Variants in ZDHHC14 observed in about 807,000 individuals in gnomAD.
The protein encoded by ZDHHC14 is zDHHC palmitoyltransferase 14.
Under a neutral mutation model 47.7 loss-of-function variants are expected in ZDHHC14, and 16 were observed. The ratio of observed to expected loss-of-function variants is 0.34; its 90% confidence interval spans 0.23 to 0.51. The LOEUF (loss-of-function observed/expected upper bound fraction) is 0.51, where lower values mean the gene tolerates loss of function less well. Ranked by LOEUF, ZDHHC14 falls within the 20% of genes least tolerant of loss-of-function variation. The pLI is 0.97. For missense variants in ZDHHC14, 515 were observed against 662.5 expected, an observed-to-expected ratio of 0.78 and a Z score of 2.44; for synonymous variants, 293 against 278.9, an observed-to-expected ratio of 1.05 and a Z score of -0.50.
intron 1 of ZDHHC14, among the ~76,000 whole-genome samples, chr6:157,387,738 G>C (rs1777346143): frequency 6.6e-6 from 1 of 152,134 alleles, no homozygotes. Flanking sequence ...TTGAGGATGG[G>C]GACTCGCCTT....
At chr6:157,484,545 A>G (rs1256556016) in intron 1 of ZDHHC14, among the ~76,000 whole-genome samples, 1 of 150,534 alleles carries the variant, frequency 6.6e-6, no homozygotes, top group Non-Finnish European at 1.5e-5. Flanking sequence ...AATAAAAGTT[A>G]AAAGAAAAAA....
intron 2 of ZDHHC14, among the ~76,000 whole-genome samples, chr6:157,577,539 TTTTG>T (rs1038332694): frequency 3.3e-5 from 5 of 152,136 alleles, no homozygotes; most frequent in African/African-American, 1.2e-4. Flanking sequence ...GCCTCTGTTT[TTTTG>T]TTTGTTTGTT....
intron 1 of ZDHHC14, among the ~76,000 whole-genome samples, chr6:157,402,443 G>C (rs1167765697): frequency 6.6e-6 from 1 of 152,168 alleles, no homozygotes; most frequent in African/African-American, 2.4e-5. Context: ...AACTGCAGTA[G>C]TGAAATGCGC....
chr6:157,560,733 ACTT>A (rs1183980170), intron 2 of ZDHHC14, among the ~76,000 whole-genome samples: 1 of 152,254 alleles, frequency 6.6e-6, no homozygotes, highest in Non-Finnish European at 1.5e-5. Flanking sequence ...ATTAAGCAGT[ACTT>A]CTTACTCATT....
intron 3 of ZDHHC14, among the ~76,000 whole-genome samples, chr6:157,619,536 C>G (rs1785101678): frequency 6.6e-6 from 1 of 152,210 alleles, no homozygotes; most frequent in African/African-American, 2.4e-5. Context: ...ACTTAGCCAC[C>G]TGCCAGGTGG....
intron 1 of ZDHHC14, among the ~76,000 whole-genome samples, chr6:157,484,395 TATAC>T (rs1779722457): frequency 6.8e-6 from 1 of 146,342 alleles, no homozygotes; most frequent in East Asian, 2.0e-4. Context: ...TATACGTATA[TATAC>T]ATATATATGT....
intron 1 of ZDHHC14, among the ~76,000 whole-genome samples, chr6:157,531,870 A>T (rs536419991): frequency 8.5e-4 from 130 of 152,362 alleles, no homozygotes; most frequent in Middle Eastern, 3.4e-3. Flanking sequence ...CGCCGAAGAC[A>T]CTTTTCCGTA....
intron 1 of ZDHHC14, among the ~76,000 whole-genome samples, chr6:157,492,206 G>C (rs199690461): frequency 0.079 from 6,159 of 78,268 alleles, 84 homozygotes; most frequent in African/African-American, 0.1. Flanking sequence ...CTCCGCCCCC[G>C]CCCCCCAGCC....
chr6:157,511,547 C>CTTTT (rs34988240), intron 1 of ZDHHC14, among the ~76,000 whole-genome samples: 3 of 114,920 alleles, frequency 2.6e-5, no homozygotes, highest in African/African-American at 1.1e-4. Context: ...AGCCCGGGTA[C>CTTTT]TTTTTTTTTT....
At chr6:157,457,692 G>C (rs541407268) in intron 1 of ZDHHC14, among the ~76,000 whole-genome samples, 127 of 152,298 alleles carry the variant, frequency 8.3e-4, no homozygotes, top group Non-Finnish European at 1.3e-3. Flanking sequence ...AATTGCCCTT[G>C]GCATCGGGGG....
chr6:157,545,414 C>T (rs1452941390), intron 2 of ZDHHC14, among the ~76,000 whole-genome samples: 2 of 151,874 alleles, frequency 1.3e-5, no homozygotes, highest in Admixed American at 6.5e-5. Context: ...CAGTGGCTCA[C>T]GCCTGTAATC....
intron 2 of ZDHHC14, among the ~76,000 whole-genome samples, chr6:157,574,000 G>A (rs1019012694): frequency 6.6e-6 from 1 of 151,962 alleles, no homozygotes; most frequent in Admixed American, 6.6e-5. Context: ...CTAGGGCCTC[G>A]GCTGTGCTAA....
intron 1 of ZDHHC14, among the ~76,000 whole-genome samples, chr6:157,384,164 T>C (rs1777268600): frequency 6.6e-6 from 1 of 152,170 alleles, no homozygotes; most frequent in South Asian, 2.1e-4. Context: ...AGAAAATGGG[T>C]TAATTTTGTG....
chr6:157,622,838 C>T (rs1235879787), intron 3 of ZDHHC14, among the ~76,000 whole-genome samples: 1 of 150,982 alleles, frequency 6.6e-6, no homozygotes, highest in African/African-American at 2.4e-5. Context: ...CGCTCATAAA[C>T]CTACTAAACG....
At chr6:157,574,095 C>T (rs1334085063) in intron 2 of ZDHHC14, among the ~76,000 whole-genome samples, 1 of 151,424 alleles carries the variant, frequency 6.6e-6, no homozygotes, top group Non-Finnish European at 1.5e-5. Flanking sequence ...TCAACAACAC[C>T]ACACTCTACA....
At chr6:157,657,498 G>A (rs895250162) in intron 8 of ZDHHC14, among the ~76,000 whole-genome samples, 27 of 152,134 alleles carry the variant, frequency 1.8e-4, no homozygotes, top group African/African-American at 4.8e-4. Flanking sequence ...CAGCCCCAGC[G>A]AATCCATGCC....
chr6:157,496,374 C>CA lies in ZDHHC14; in HGVS notation c.246-46211_246-46210insA, dbSNP rs551683211. 7.3e-5 allele frequency among the ~76,000 whole-genome samples: 11 copies of CA among 151,518 alleles called. No homozygotes were observed. The South Asian group carries it at 2.3e-3, about 31-fold the overall frequency. On this transcript the variant is annotated intron_variant, in intron 1 of 8. Transcript: ENST00000359775. Reference sequence around the variant, plus strand: ...CTCCCACATTGGGGAGGAAGTTAACCCCCCCCATGCTATTTTAGGTTGAAT... The same window carrying CA: ...CTCCCACATTGGGGAGGAAGTTAACCACCCCCCATGCTATTTTAGGTTGAAT...
chr6:157,513,448 A>T (rs183011191), intron 1 of ZDHHC14, among the ~76,000 whole-genome samples: 1 of 152,230 alleles, frequency 6.6e-6, no homozygotes, highest in Admixed American at 6.5e-5. Flanking sequence ...AACATTTCAC[A>T]CCATTCCCTA....
intron 2 of ZDHHC14, among the ~76,000 whole-genome samples, chr6:157,546,858 C>G (rs761357963): frequency 6.6e-6 from 1 of 152,172 alleles, no homozygotes; most frequent in Non-Finnish European, 1.5e-5. Flanking sequence ...CTCTTCCCAC[C>G]CGTTCCACCG....
Sources: allele counts gnomAD v4.1 joint callset (sites outside exome capture counted in the v4.1 genomes callset), GRCh38; gene constraint gnomAD v4.1.1; transcripts MANE v1.5; gene names NCBI Gene and HGNC (gene_info 2026-07-23, HGNC 2026-07-21).